MACF1: variants seen among roughly 807,000 people sequenced by gnomAD.
MACF1 encodes microtubule actin crosslinking factor 1, also known as microtubule-actin cross-linking factor 1.
Under a neutral mutation model 854.8 loss-of-function variants are expected in MACF1, and 193 were observed. The observed-to-expected ratio is 0.23, with a 90% confidence interval of 0.20 to 0.25. The LOEUF (loss-of-function observed/expected upper bound fraction) is 0.25, where lower values mean the gene tolerates loss of function less well. Ranked by LOEUF, MACF1 falls within the 10% of genes least tolerant of loss-of-function variation. The pLI is 1.00. For synonymous variants in MACF1, 3,185 were observed against 3,226.7 expected, an observed-to-expected ratio of 0.99 and a Z score of 0.44; for missense variants, 7,722 against 8,929.1, an observed-to-expected ratio of 0.86 and a Z score of 5.45.
Position 39,285,741 on chromosome 1 carries a change from A to G in MACF1, c.1491A>G (p.Leu497=), listed in dbSNP as rs201761092. ...TGCGGGATGAGAATTACTACCAGCT[A>G]GAAGAGCTGGCTTTTAGGTGAGGAA... The part of the protein sequence containing the change: ...QILRDENYYQ[L]EELAFRVMRL... Residue 497 remains leucine, a synonymous_variant, in exon 14 of 101, where the codon CTA becomes CTG. Transcript: ENST00000564288. 6.2e-6 allele frequency: 10 copies of G among 1,614,158 alleles called. No individual in the cohort carries two copies. Among genetic ancestry groups the G allele is most frequent in the Middle Eastern group, 1.6e-4 (1 of 6,062 alleles).
chr1:39,323,416 C>T (rs180682208), intron 33 of MACF1, among the ~76,000 whole-genome samples: 2 of 151,370 alleles, frequency 1.3e-5, no homozygotes, highest in Non-Finnish European at 2.9e-5. Context: ...ATTTTTTAAA[C>T]CAGCAAAATA....
chr1:39,456,596 T>C (rs1474037719), intron 89 of MACF1: 4 of 152,278 alleles, frequency 2.6e-5, no homozygotes, highest in African/African-American at 9.6e-5. Flanking sequence ...CTGTGGGATG[T>C]ACCTCCTCTC....
intron 58 of MACF1, among the ~76,000 whole-genome samples, chr1:39,391,991 G>A (rs943731832): frequency 6.6e-6 from 1 of 152,228 alleles, no homozygotes; most frequent in African/African-American, 2.4e-5. Context: ...AGGGAGAAGG[G>A]TGGTGGAGTG....
rs760173596 is a variant in MACF1, at chr1:39,319,739, A to G, written c.4021A>G (p.Ile1341Val). The change falls in exon 31 of 101, where the codon ATT becomes GTT. Residue 1341 changes from isoleucine (I) to valine (V), a missense_variant. Ile to Val is a conservative substitution (Grantham distance 29). Around this residue, in one of 15 missense-constraint regions of MACF1, gnomAD observed 1,137 missense variants for 1,263.0 expected, o/e 0.90. Coordinates refer to ENST00000564288, the MANE Select transcript of MACF1 (RefSeq NM_001394062.1). ...AAAATTTTCCCAGCAGTACTCTACT[A>G]TTGTAAAGGTAACTTTACCACATCC... is the stretch of plus-strand genomic sequence containing the variant. ...CQKFSQQYST[I>V]VKDYELQLMT... The G allele has an allele frequency of 9.3e-6, 15 of 1,610,714 alleles. No homozygotes were observed. The highest frequency in any genetic ancestry group is 1.3e-5 in the African/African-American group (1 of 74,822).
rs1557591657 is a variant in MACF1 at position 39,331,592 on chromosome 1, C to T, written c.5004C>T (p.Asn1668=). The T allele has an allele frequency of 6.2e-7, 1 of 1,614,146 alleles. No individual in the cohort carries two copies. The highest frequency in any genetic ancestry group is 8.5e-7 in the Non-Finnish European group (1 of 1,180,030). Residue 1668 remains asparagine, a synonymous_variant, in exon 37 of 101, where the codon AAC becomes AAT. Coordinates refer to ENST00000564288, the MANE Select transcript of MACF1 (RefSeq NM_001394062.1). ...GTTTCAGTCTTTCCCCTAGTGAGAA[C>T]TGTATTAACCTGGAAGAGGCTTTTC... is the stretch of plus-strand genomic sequence containing the variant. ...TGGFSLSPSE[N]CINLEEAFHQ... is the part of the protein sequence containing the mutation.
intron 1 of MACF1, among the ~76,000 whole-genome samples, chr1:39,220,980 C>A (rs1644645296): frequency 1.3e-5 from 2 of 152,264 alleles, no homozygotes; most frequent in Non-Finnish European, 2.9e-5. Flanking sequence ...AGCAAGACTT[C>A]AGCTGGACTT....
chr1:39,236,504 A>G (rs1644860653), intron 2 of MACF1, among the ~76,000 whole-genome samples: 3 of 152,150 alleles, frequency 2.0e-5, no homozygotes, highest in South Asian at 4.1e-4. Context: ...GCCCCTGACT[A>G]TACTCCTTAT....
At chr1:39,440,355 C>T (rs1644086686) in intron 72 of MACF1, among the ~76,000 whole-genome samples, 1 of 151,968 alleles carries the variant, frequency 6.6e-6, no homozygotes, top group South Asian at 2.1e-4. Context: ...ATCCTCCAGC[C>T]TCGGCCTCCC....
At chr1:39,458,088 C>T in intron 89 of MACF1, 1 of 301,562 alleles carries the variant, frequency 3.3e-6, no homozygotes, top group South Asian at 6.8e-5. Flanking sequence ...TCACTCATTA[C>T]CATGGGGAGG....
chr1:39,254,458 G>A (rs1394535129), intron 5 of MACF1, 83 bp downstream of exon 5: 5 of 1,206,194 alleles, frequency 4.1e-6, no homozygotes, highest in Non-Finnish European at 4.9e-6. Context: ...AGTGCCCCTA[G>A]TAAGCTCTCA....
At chr1:39,145,094 CTACTGAG>C (rs1487209050) in intron 2 of MACF1, among the ~76,000 whole-genome samples, 1 of 152,084 alleles carries the variant, frequency 6.6e-6, no homozygotes, top group Non-Finnish European at 1.5e-5. Context: ...CTCCACTGAG[CTACTGAG>C]TGCCACTGCA....
intron 2 of MACF1, among the ~76,000 whole-genome samples, chr1:39,152,832 CACAA>C (rs1643610565): frequency 8.1e-5 from 12 of 148,884 alleles, no homozygotes; most frequent in African/African-American, 2.9e-4. Context: ...AGAACTTTAT[CACAA>C]ACCAAGTGAC....
intron 97 of MACF1, among the ~76,000 whole-genome samples, chr1:39,477,931 A>G (rs545619432): frequency 2.6e-5 from 4 of 151,464 alleles, no homozygotes; most frequent in African/African-American, 7.3e-5. Flanking sequence ...TTCAACTGCA[A>G]TGCAATTTCA....
At position 39,310,363 on chromosome 1, in the gene MACF1, G is replaced by A. The variant is rs774135362; in HGVS notation, c.3035G>A (p.Arg1012His). Residue 1012 changes from arginine to histidine, a missense_variant, in exon 25 of 101, where the codon CGC becomes CAC. Coordinates refer to ENST00000564288, the MANE Select transcript of MACF1 (RefSeq NM_001394062.1). Reference sequence around the variant, plus strand: ...CTGTTCTCAGTGGCTGATCGCTTGCGCTTGGAAGAGGAGGTGGAAGCTTGT... The same window carrying A: ...CTGTTCTCAGTGGCTGATCGCTTGCACTTGGAAGAGGAGGTGGAAGCTTGT... ...SVLFSVADRLRLEEEVEACKA... is the reference protein window; with the variant it reads ...SVLFSVADRLHLEEEVEACKA... 19 of 1,613,974 alleles carry A rather than the reference G, an allele frequency of 1.2e-5. No individual in the cohort carries two copies. The highest frequency in any genetic ancestry group is 5.5e-5 in the South Asian group (5 of 91,078).
rs750235481 is a variant in MACF1 at position 39,353,077 on chromosome 1, T to G, written c.11270T>G (p.Val3757Gly). Residue 3757 changes from valine to glycine, a missense_variant, in exon 44 of 101, where the codon GTA (valine) becomes GGA (glycine). By Grantham distance (109) the Val-to-Gly change is moderately radical (BLOSUM62 -3). This residue lies in a region of MACF1 where 2,807 missense variants were observed against 3,235.8 expected (regional missense o/e 0.87). Transcript: ENST00000564288. ...GCTCTCCTGGATTGGGTAACTTCAG[T>G]AGGATCATCTGGTGGACAGCTGCTG... ...IDALLDWVTSVGSSGGQLLTN... is the reference protein window; with the variant it reads ...IDALLDWVTSGGSSGGQLLTN... The G allele has an allele frequency of 1.2e-6, 2 of 1,614,108 alleles. No homozygotes were observed. The highest frequency in any genetic ancestry group is 8.5e-7 in the Non-Finnish European group (1 of 1,180,008).
chr1:39,434,934 A>G (rs1643939759), intron 69 of MACF1, among the ~76,000 whole-genome samples: 1 of 152,234 alleles, frequency 6.6e-6, no homozygotes, highest in Admixed American at 6.5e-5. Flanking sequence ...TGTTACACTC[A>G]AGGTATGGTT....
rs1451942969 is a variant in MACF1 at position 39,360,776 on chromosome 1, A to G, written c.12245-17A>G. The G allele has an allele frequency of 1.3e-6, 2 of 1,567,426 alleles. No individual in the cohort carries two copies. The highest frequency in any genetic ancestry group is 1.8e-5 in the Admixed American group (1 of 56,324). ...AAAATTGTCTCCACTCTTTCTTTTC[A>G]TGGCCTGATTTTTCAGATTCCATAC... is the stretch of plus-strand genomic sequence containing the variant. On this transcript the variant is annotated splice_polypyrimidine_tract_variant and intron_variant, in intron 47 of 100. Transcript: ENST00000564288.
rs142366536 is a variant in MACF1, at chr1:39,303,095, G to A, written c.2789+17G>A. The A allele has an allele frequency of 6.7e-3, 10,733 of 1,612,526 alleles. 49 individuals carry two copies. Among genetic ancestry groups the A allele is most frequent in the Non-Finnish European group, 7.7e-3 (9,066 of 1,178,968 alleles). ...GGCCAGCAGGTAACTTGGCTCAGCT[G>A]CCACTGGTACACCCACCTCTGCTGT... On this transcript the variant is annotated intron_variant, in intron 23 of 100. Transcript: ENST00000564288.
rs1488169653 is a variant in MACF1, at chr1:39,363,657, T to C, written c.12771+1980T>C. On this transcript the variant is annotated intron_variant, in intron 49 of 100. Transcript: ENST00000564288. ...TTACTCTGCGCTCTGTTGCCCAGGCTGAAGTGCAGTGGCACGATCTTGGCT... is the reference window on the plus strand; with the variant it reads ...TTACTCTGCGCTCTGTTGCCCAGGCCGAAGTGCAGTGGCACGATCTTGGCT... 4.0e-5 allele frequency among the ~76,000 whole-genome samples: 6 copies of C among 150,840 alleles called. 1 individual carries two copies. The highest frequency in any genetic ancestry group is 4.0e-4 in the Admixed American group (6 of 15,126).
Sources: allele counts gnomAD v4.1 joint callset (sites outside exome capture counted in the v4.1 genomes callset), GRCh38; gene constraint gnomAD v4.1.1; regional missense constraint gnomAD v4.1.1; transcripts MANE v1.5; gene names NCBI Gene and HGNC (gene_info 2026-07-23, HGNC 2026-07-21).